The following FRMD4B variants were observed in gnomAD, a reference collection of about 807,000 sequenced individuals.
The protein encoded by FRMD4B is FERM domain-containing protein 4B.
A neutral mutation model predicts 141.5 loss-of-function variants in FRMD4B; 74 were observed. The ratio of observed to expected loss-of-function variants is 0.52; its 90% confidence interval spans 0.43 to 0.63. The LOEUF is 0.63. Among genes scored for constraint, FRMD4B ranks in the 30% least tolerant of loss-of-function variants. The pLI is 0.00. For missense variants in FRMD4B, 1,366 were observed against 1,253.4 expected, an observed-to-expected ratio of 1.09 and a Z score of -1.36; for synonymous variants, 506 against 467.9, an observed-to-expected ratio of 1.08 and a Z score of -1.05.
chr3:69,362,410 C>G (rs892256526), intron 1 of FRMD4B, among the ~76,000 whole-genome samples: 4 of 152,212 alleles, frequency 2.6e-5, no homozygotes, highest in Admixed American at 6.5e-5. Context: ...TTCCAGTTCT[C>G]TAGCATTTCA....
chr3:69,202,749 C>T (rs1166650721), intron 11 of FRMD4B, among the ~76,000 whole-genome samples: 2 of 152,152 alleles, frequency 1.3e-5, no homozygotes, highest in Admixed American at 6.5e-5. Context: ...TTCTGCTCTA[C>T]ACTCATCTTG....
At chr3:69,175,890 C>T (rs1374191594) in intron 22 of FRMD4B, among the ~76,000 whole-genome samples, 1 of 151,090 alleles carries the variant, frequency 6.6e-6, no homozygotes, top group Non-Finnish European at 1.5e-5. Flanking sequence ...ACGCCATTCT[C>T]CTGCTTCAGC....
chr3:69,465,851 T>C (rs542216311), intron 1 of FRMD4B, among the ~76,000 whole-genome samples: 6 of 152,322 alleles, frequency 3.9e-5, no homozygotes, highest in African/African-American at 1.4e-4. Flanking sequence ...GCAATAAACA[T>C]ATGTGTCCAT....
At chr3:69,212,510 CT>C (rs1387746703) in intron 11 of FRMD4B, among the ~76,000 whole-genome samples, 2 of 151,638 alleles carry the variant, frequency 1.3e-5, no homozygotes, top group Non-Finnish European at 2.9e-5. Flanking sequence ...AAGGAAGTAG[CT>C]TCTGACCCTT....
chr3:69,352,784 C>G (rs1463482746), intron 1 of FRMD4B, among the ~76,000 whole-genome samples: 1 of 152,186 alleles, frequency 6.6e-6, no homozygotes, highest in East Asian at 1.9e-4. Flanking sequence ...CTGCTGAATT[C>G]TGATCACATA....
intron 14 of FRMD4B, among the ~76,000 whole-genome samples, chr3:69,195,752 A>C (rs1269119188): frequency 6.6e-6 from 1 of 152,216 alleles, no homozygotes; most frequent in Non-Finnish European, 1.5e-5. Flanking sequence ...GTGTGAAGGA[A>C]GGTCATGCTT....
chr3:69,530,322 C>T (rs183388624), intron 1 of FRMD4B, among the ~76,000 whole-genome samples: 1 of 152,312 alleles, frequency 6.6e-6, no homozygotes, highest in Admixed American at 6.5e-5. Flanking sequence ...TAGATTAAGG[C>T]CTTCACTCAA....
At chr3:69,472,272 T>C (rs1356034801) in intron 1 of FRMD4B, 1 of 357,036 alleles carries the variant, frequency 2.8e-6, no homozygotes, top group Non-Finnish European at 5.6e-6. Context: ...TTGTTGGCTG[T>C]TGTTTATGTC....
chr3:69,422,896 A>C (rs1705006745), intron 2 of FRMD4B, among the ~76,000 whole-genome samples: 1 of 152,192 alleles, frequency 6.6e-6, no homozygotes, highest in African/African-American at 2.4e-5. Context: ...TATGTCCTGA[A>C]AGTTCTCTGA....
intron 3 of FRMD4B, among the ~76,000 whole-genome samples, chr3:69,308,438 C>CTTTTTTTTTTTTT (rs112662917): frequency 7.0e-6 from 1 of 142,236 alleles, no homozygotes. Flanking sequence ...ATCACACTGG[C>CTTTTTTTTTTTTT]TTTTTTTTTT....
chr3:69,384,076 AG>A (rs1704190348), intron 1 of FRMD4B, among the ~76,000 whole-genome samples: 1 of 152,122 alleles, frequency 6.6e-6, no homozygotes, highest in Admixed American at 6.6e-5. Context: ...CTGGGATTAT[AG>A]ACACACAGCA....
At chr3:69,372,508 T>C (rs1452083502) in intron 1 of FRMD4B, among the ~76,000 whole-genome samples, 1 of 152,006 alleles carries the variant, frequency 6.6e-6, no homozygotes, top group East Asian at 1.9e-4. Flanking sequence ...CTGCTAAAAA[T>C]ACAAAAATTA....
At chr3:69,265,736 A>C (rs528439604) in intron 5 of FRMD4B, among the ~76,000 whole-genome samples, 47 of 152,090 alleles carry the variant, frequency 3.1e-4, no homozygotes, top group African/African-American at 9.9e-4. Flanking sequence ...CGTGAGCCAC[A>C]GCGCCTGGCC....
chr3:69,509,867 A>G (rs1216948819), intron 1 of FRMD4B, among the ~76,000 whole-genome samples: 1 of 151,806 alleles, frequency 6.6e-6, no homozygotes, highest in Non-Finnish European at 1.5e-5. Context: ...TTGATACTAA[A>G]GCGAGTATCA....
chr3:69,410,756 T>A (rs1180498399), intron 2 of FRMD4B, among the ~76,000 whole-genome samples: 97 of 35,998 alleles, frequency 2.7e-3, no homozygotes, highest in Middle Eastern at 0.029. Flanking sequence ...TATATATATA[T>A]ATATATATAT....
At chr3:69,420,290 CA>C (rs56707719) in intron 2 of FRMD4B, among the ~76,000 whole-genome samples, 94 of 131,970 alleles carry the variant, frequency 7.1e-4, no homozygotes, top group Admixed American at 7.0e-4. Flanking sequence ...AAAGGGATAT[CA>C]AAAAAAAAAA....
intron 1 of FRMD4B, among the ~76,000 whole-genome samples, chr3:69,535,052 T>A (rs187033645): frequency 6.6e-6 from 1 of 152,244 alleles, no homozygotes; most frequent in South Asian, 2.1e-4. Context: ...TTTTGTCATT[T>A]AATCCTCCAA....
intron 2 of FRMD4B, among the ~76,000 whole-genome samples, chr3:69,414,533 C>A (rs893198730): frequency 5.3e-5 from 8 of 152,198 alleles, no homozygotes; most frequent in African/African-American, 1.7e-4. Context: ...CAGAAAAAGT[C>A]AATGGTAATC....
chr3:69,234,920 G>A (rs889692424), intron 7 of FRMD4B, among the ~76,000 whole-genome samples: 9 of 151,914 alleles, frequency 5.9e-5, no homozygotes, highest in Non-Finnish European at 8.8e-5. Flanking sequence ...AGGCTGAGGC[G>A]GGCGGATCAC....
Sources: gnomAD v4.1 joint callset for allele counts (sites outside exome capture counted in the v4.1 genomes callset) on GRCh38, gnomAD v4.1.1 for gene constraint, MANE v1.5 for transcripts, NCBI Gene and HGNC (gene_info 2026-07-23, HGNC 2026-07-21) for gene names.